SLC4A4: variants seen among roughly 807,000 people sequenced by gnomAD.
SLC4A4 encodes the protein electrogenic sodium bicarbonate cotransporter 1.
In SLC4A4, 27 loss-of-function variants were observed where a neutral mutation model predicts 111.5. That is an observed-to-expected ratio of 0.24 (90% CI 0.18 to 0.33). The LOEUF (loss-of-function observed/expected upper bound fraction) is 0.33, where lower values mean the gene tolerates loss of function less well. SLC4A4 is among the 10% of genes least tolerant of loss of function. The probability of loss-of-function intolerance (pLI) is 1.00; values close to 1 mark genes in which losing one functional copy is unlikely to be tolerated. For missense variants in SLC4A4, 909 were observed against 1,315.5 expected (o/e 0.69, Z 4.78); for synonymous variants, 443 against 463.4 (o/e 0.96, Z 0.57).
At chr4:71,170,261 G>A (rs1744899620) in intron 2 of SLC4A4, among the ~76,000 whole-genome samples, 1 of 152,180 alleles carries the variant, frequency 6.6e-6, no homozygotes, top group Non-Finnish European at 1.5e-5. Context: ...GCTTCCTGAA[G>A]ACAGTGGCCT....
intron 1 of SLC4A4, among the ~76,000 whole-genome samples, chr4:71,199,352 T>C (rs1244426483): frequency 6.6e-6 from 1 of 152,244 alleles, no homozygotes; most frequent in Non-Finnish European, 1.5e-5. Flanking sequence ...TTGCTACTGA[T>C]AACATGAAAT....
chr4:71,423,960 G>A (rs1189332833), intron 7 of SLC4A4, among the ~76,000 whole-genome samples: 3 of 152,054 alleles, frequency 2.0e-5, no homozygotes, highest in Non-Finnish European at 4.4e-5. Flanking sequence ...AACACCAAAA[G>A]CAATGGCAAC....
chr4:71,106,056 G>T (rs1742908350), intron 2 of SLC4A4, among the ~76,000 whole-genome samples: 1 of 140,854 alleles, frequency 7.1e-6, no homozygotes. Flanking sequence ...AATCTACAAT[G>T]AACTCAAACA....
chr4:71,242,695 A>G (rs1720339220), intron 2 of SLC4A4, among the ~76,000 whole-genome samples: 1 of 151,414 alleles, frequency 6.6e-6, no homozygotes. Context: ...TGGTTATTAT[A>G]ATTTTCTTTT....
In SLC4A4 at chr4:71,536,275, G is replaced by A. The variant is rs143121718; in HGVS notation, c.2442+1887G>A. 8.5e-3 allele frequency among the ~76,000 whole-genome samples: 1,273 copies of A among 150,496 alleles called. 12 individuals are homozygous for A. The highest frequency in any genetic ancestry group is 0.012 in the Non-Finnish European group (794 of 67,680). On this transcript the variant is annotated intron_variant, in intron 18 of 25. Transcript: ENST00000264485. ...AGCCTCCATTCAAGGGGGTGAGGGG[G>A]GAATTCTCCTTTTAATGGGGGAATG...
intron 3 of SLC4A4, among the ~76,000 whole-genome samples, chr4:71,315,132 G>A (rs1726577218): frequency 6.6e-6 from 1 of 152,086 alleles, no homozygotes; most frequent in Non-Finnish European, 1.5e-5. Flanking sequence ...AATCTTGAGA[G>A]ACTGGAAATT....
At chr4:71,378,853 T>C (rs1401875094) in intron 6 of SLC4A4, among the ~76,000 whole-genome samples, 2 of 152,196 alleles carry the variant, frequency 1.3e-5, no homozygotes, top group Non-Finnish European at 2.9e-5. Flanking sequence ...CTACTCCTCT[T>C]AATGCATCCT....
intron 20 of SLC4A4, among the ~76,000 whole-genome samples, chr4:71,552,349 G>A (rs1237513091): frequency 1.3e-5 from 2 of 151,216 alleles, no homozygotes; most frequent in African/African-American, 4.9e-5. Flanking sequence ...ACATTCACAT[G>A]TACACACACA....
At chr4:71,178,497 G>T (rs1745167125) in intron 2 of SLC4A4, among the ~76,000 whole-genome samples, 1 of 152,044 alleles carries the variant, frequency 6.6e-6, no homozygotes, top group Non-Finnish European at 1.5e-5. Context: ...GAATCAAATA[G>T]ATGCAATAAA....
chr4:71,350,000 G>A lies in SLC4A4; in HGVS notation c.478G>A (p.Glu160Lys). 1 of 1,614,106 alleles carries A rather than the reference G, an allele frequency of 6.2e-7. No homozygotes were observed. Among genetic ancestry groups the A allele is most frequent in the Non-Finnish European group, 8.5e-7 (1 of 1,179,994 alleles). ...VATLSLHSLF[E>K]LRTCMEKGSI... The stretch of plus-strand genomic sequence containing the variant: ...CACATTGTCCCTTCATAGTTTATTT[G>A]AGCTGAGGACATGTATGGAGAAAGG... The change falls in exon 5 of 26, where the codon GAG becomes AAG. Residue 160 changes from glutamate (E) to lysine (K), a missense_variant. Around this residue, in one of 7 missense-constraint regions of SLC4A4, gnomAD observed 312 missense variants for 402.0 expected, o/e 0.78. Transcript: ENST00000264485.
At chr4:71,208,437 A>ATAT (rs1399473250) in intron 1 of SLC4A4, among the ~76,000 whole-genome samples, 35 of 130,678 alleles carry the variant, frequency 2.7e-4, no homozygotes, top group South Asian at 1.4e-3. Flanking sequence ...TCTCAAAAAA[A>ATAT]AAAAAAATAT....
intron 3 of SLC4A4, among the ~76,000 whole-genome samples, chr4:71,275,030 T>G (rs567481383): frequency 3.3e-5 from 5 of 152,194 alleles, no homozygotes; most frequent in African/African-American, 1.2e-4. Flanking sequence ...TTGTCTTTCA[T>G]TGATTCCTTT....
At chr4:71,176,511 C>T (rs943728850) in intron 2 of SLC4A4, among the ~76,000 whole-genome samples, 6 of 152,150 alleles carry the variant, frequency 3.9e-5, no homozygotes, top group Non-Finnish European at 8.8e-5. Context: ...AAAACCAAGG[C>T]ACGAGAACTA....
chr4:71,388,950 A>C (rs1458164672), intron 6 of SLC4A4, among the ~76,000 whole-genome samples: 1 of 152,208 alleles, frequency 6.6e-6, no homozygotes, highest in Non-Finnish European at 1.5e-5. Context: ...TGCTGGTTGA[A>C]ATTGGAAAGA....
At chr4:71,175,410 A>T (rs1046938487) in intron 2 of SLC4A4, among the ~76,000 whole-genome samples, 3 of 152,264 alleles carry the variant, frequency 2.0e-5, no homozygotes, top group Non-Finnish European at 2.9e-5. Flanking sequence ...GCAATGGGTC[A>T]GGGAATTCCC....
intron 1 of SLC4A4, among the ~76,000 whole-genome samples, chr4:71,206,241 T>C (rs560125689): frequency 2.6e-5 from 4 of 152,078 alleles, no homozygotes; most frequent in Middle Eastern, 3.4e-3. Context: ...TATAAGAGAA[T>C]CATTAAATAT....
At position 71,399,709 on chromosome 4, in the gene SLC4A4, T is replaced by G. The variant is rs147603533; in HGVS notation, c.807+2056T>G. On this transcript the variant is annotated intron_variant, in intron 7 of 25. Transcript: ENST00000264485. ...CAGGACTTCTTGATGACCTTTATGA[T>G]GCTCTGAAATCTGATGTTATCCGTC... Among the ~76,000 whole-genome samples, 68 of 152,172 alleles carry G rather than the reference T, an allele frequency of 4.5e-4. No individual in the cohort carries two copies. The East Asian group carries it at 0.012, about 27-fold the overall frequency.
intron 25 of SLC4A4, 91 bp downstream of exon 25, chr4:71,567,174 T>G (rs1167840600): frequency 5.2e-5 from 52 of 996,540 alleles, no homozygotes; most frequent in Non-Finnish European, 7.9e-5. Flanking sequence ...GAACTTCTTG[T>G]TCTCCTTCGT....
intron 16 of SLC4A4, among the ~76,000 whole-genome samples, chr4:71,530,897 A>G (rs1733855262): frequency 6.6e-6 from 1 of 152,152 alleles, no homozygotes; most frequent in Non-Finnish European, 1.5e-5. Flanking sequence ...CAGCATCAGA[A>G]GCTGACTGCT....
Sources: allele counts gnomAD v4.1 joint callset (sites outside exome capture counted in the v4.1 genomes callset), GRCh38; gene constraint gnomAD v4.1.1; regional missense constraint gnomAD v4.1.1; transcripts MANE v1.5; gene names NCBI Gene and HGNC (gene_info 2026-07-23, HGNC 2026-07-21).